MUC4: variants seen among roughly 807,000 people sequenced by gnomAD.
MUC4 encodes the protein mucin-4.
Under a neutral mutation model 257.9 loss-of-function variants are expected in MUC4, and 202 were observed. That is an observed-to-expected ratio of 0.78 (90% CI 0.70 to 0.88). The LOEUF (loss-of-function observed/expected upper bound fraction) is 0.88. MUC4 is among the 40% of genes least tolerant of loss of function. The pLI, the probability that MUC4 is intolerant of heterozygous loss-of-function variation, is 0.00. For missense variants in MUC4, 5,976 were observed against 6,513.7 expected (o/e 0.92, Z 2.84); for synonymous variants, 2,351 against 2,757.1 (o/e 0.85, Z 4.62).
Position 195,780,068 on chromosome 3 carries a change from C to T in MUC4, c.11512G>A (p.Ala3838Thr), listed in dbSNP as rs200448491. 75 of 736,234 alleles carry T rather than the reference C, an allele frequency of 1.0e-4. 5 individuals carry two copies. The Middle Eastern group carries it at 1.4e-3, about 14-fold the overall frequency. 45.6% of individuals were successfully genotyped at this position (736,234 alleles called of 1,614,324 possible). ...TDASSASTGH[A>T]TPLPVTIPSS... is the part of the protein sequence containing the mutation. ...GGGATGGTGACAGGAAGAGGGGTGG[C>T]GTGACCTGTGGATGCTGAGGAAGCG... The change falls in exon 2 of 25, where the codon GCC (alanine) becomes ACC (threonine). Residue 3838 changes from alanine (A) to threonine (T), a missense_variant. Physicochemically the swap from Ala to Thr is moderately conservative, Grantham distance 58. This residue lies in a region of MUC4 where 330 missense variants were observed against 262.0 expected (regional missense o/e 1.26). Transcript: ENST00000463781.
rs1728418351 is a variant in MUC4, at chr3:195,782,102, AG to A, written c.9477del (p.Ser3160GlnfsTer1099). On this transcript the variant is annotated frameshift_variant, in exon 2 of 25. Coordinates refer to ENST00000463781, the MANE Select transcript of MUC4 (RefSeq NM_018406.7). LOFTEE classifies it high-confidence loss of function. ...GGGGTGGCCTGACCTGTGGATGCTGAGGAAGTGTCGGTGACAGGAAGAGGGG... is the reference window on the plus strand; with the variant it reads ...GGGGTGGCCTGACCTGTGGATGCTGAGAAGTGTCGGTGACAGGAAGAGGGG... ...DTTPLPVTDT[S>X]SASTGQATPL... 7.3e-7 allele frequency: 1 copy of A among 1,372,084 alleles called. No individual in the cohort carries two copies. The highest frequency in any genetic ancestry group is 2.2e-5 in the Admixed American group (1 of 44,576). 85.0% of individuals were successfully genotyped at this position (1,372,084 alleles called of 1,614,324 possible).
intron 20 of MUC4, 53 bp downstream of exon 20, chr3:195,752,998 G>A: frequency 2.0e-6 from 3 of 1,491,982 alleles, no homozygotes; most frequent in Non-Finnish European, 2.7e-6. Flanking sequence ...GGGGGTGAGA[G>A]GGTGGGGCCC....
chr3:195,746,902 G>T lies in MUC4; in HGVS notation c.*274C>A, dbSNP rs1295824528. 2.2e-5 allele frequency: 12 copies of T among 540,946 alleles called. No homozygotes were observed. In the South Asian group the frequency reaches 3.0e-4, roughly 14 times the overall value. The allele number at this position is 540,946 out of a possible 1,614,324, so 33.5% of individuals were successfully genotyped here. ...TATGAACTCGTGTGTGTGTGTGTGT[G>T]TGTGCACGCGCGCGTGCACAGGCTA... is the stretch of plus-strand genomic sequence containing the variant. On this transcript the variant is annotated 3_prime_UTR_variant, in exon 25 of 25. Coordinates refer to ENST00000463781, the MANE Select transcript of MUC4 (RefSeq NM_018406.7).
intron 3 of MUC4, among the ~76,000 whole-genome samples, chr3:195,774,757 G>A (rs539386905): frequency 5.9e-4 from 90 of 152,014 alleles, no homozygotes; most frequent in African/African-American, 1.7e-3. Context: ...AAAATTAGCC[G>A]GGTGTGGTGG....
intron 5 of MUC4, chr3:195,770,699 C>A: frequency 2.3e-6 from 1 of 443,226 alleles, no homozygotes; most frequent in Non-Finnish European, 4.3e-6. Flanking sequence ...TAATCTGCAG[C>A]TTCTTGAGAA....
At chr3:195,763,978 A>T (rs749313408) in intron 11 of MUC4, 67 bp downstream of exon 11, 385 of 1,504,760 alleles carry the variant, frequency 2.6e-4, no homozygotes, top group Middle Eastern at 4.7e-4. Context: ...TCCAGATGCC[A>T]CCTCCCGGAA....
intron 24 of MUC4, 36 bp from the exon 25 acceptor site, chr3:195,747,416 C>T (rs756932630): frequency 8.1e-6 from 13 of 1,603,166 alleles, no homozygotes; most frequent in African/African-American, 5.4e-5. Context: ...CGGTCAGAGG[C>T]GGGAGCTCAG....
chr3:195,780,522 AGT>A lies in MUC4; in HGVS notation c.11056_11057del (p.Thr3686PhefsTer103). On this transcript the variant is annotated frameshift_variant, in exon 2 of 25. Transcript: ENST00000463781. LOFTEE classifies it high-confidence loss of function. ...GDTTRLPVTD[T>X]SSASTGQATP... ...TGGCCTGACCTGTGGATGCTGAGGAAGTGTCCGTGACAGGAAGACGGGTGGTG... is the reference window on the plus strand; with the variant it reads ...TGGCCTGACCTGTGGATGCTGAGGAAGTCCGTGACAGGAAGACGGGTGGTG... 1 of 956,744 alleles carries A rather than the reference AGT, an allele frequency of 1.0e-6. No individual in the cohort carries two copies. The highest frequency in any genetic ancestry group is 1.3e-6 in the Non-Finnish European group (1 of 758,320). 59.3% of individuals were successfully genotyped at this position (956,744 alleles called of 1,614,324 possible).
rs62282504 is a variant in MUC4, at chr3:195,788,697, C to G, written c.2883G>C (p.Gly961=). 31 of 1,607,492 alleles carry G rather than the reference C, an allele frequency of 1.9e-5. No homozygotes were observed. Among genetic ancestry groups the G allele is most frequent in the African/African-American group, 1.4e-5 (1 of 70,602 alleles). ...GGGCCGTGGTGAAGGTTTTACCAGA[C>G]CCTGAAGGTGACAGAGTGTGGGTCT... is the stretch of plus-strand genomic sequence containing the variant. ...QTETHTLSPS[G]SGKTFTTALI... is the part of the protein sequence containing the mutation. The change falls in exon 2 of 25, where the codon GGG becomes GGC. Residue 961 remains glycine, a synonymous_variant. Transcript: ENST00000463781.
At chr3:195,796,564 G>A (rs929504452) in intron 1 of MUC4, among the ~76,000 whole-genome samples, 6 of 151,950 alleles carry the variant, frequency 3.9e-5, no homozygotes, top group East Asian at 2.0e-4. Context: ...GGTGGCAGGC[G>A]CCTGTAGTCC....
At chr3:195,806,009 G>A (rs1253264804) in intron 1 of MUC4, among the ~76,000 whole-genome samples, 5 of 33,788 alleles carry the variant, frequency 1.5e-4, no homozygotes, top group African/African-American at 2.5e-4. Flanking sequence ...CCAGCTACTC[G>A]GGGGGCTGAG....
intron 21 of MUC4, chr3:195,751,759 G>A (rs998825512): frequency 9.3e-6 from 2 of 214,572 alleles, no homozygotes; most frequent in Non-Finnish European, 1.9e-5. Flanking sequence ...TTGCAGTAGT[G>A]ATAATAGCAG....
intron 1 of MUC4, among the ~76,000 whole-genome samples, chr3:195,802,664 A>G (rs1735496141): frequency 6.6e-6 from 1 of 152,120 alleles, no homozygotes; most frequent in African/African-American, 2.4e-5. Context: ...GAATCCTCAG[A>G]GGGAGGCCAC....
chr3:195,752,920 A>T, intron 20 of MUC4, 131 bp downstream of exon 20: 1 of 873,712 alleles, frequency 1.1e-6, no homozygotes, highest in Non-Finnish European at 1.7e-6. Context: ...ACACCATCCC[A>T]GAGAAATCTG....
chr3:195,747,859 T>TCAAAAAACAAAAA (rs1428915423), intron 24 of MUC4, among the ~76,000 whole-genome samples: 22 of 151,824 alleles, frequency 1.4e-4, no homozygotes, highest in African/African-American at 4.9e-4. Context: ...AGACTCCGTC[T>TCAAAAAACAAAAA]CAAAAAACAA....
At chr3:195,798,645 A>C (rs1734878722) in intron 1 of MUC4, among the ~76,000 whole-genome samples, 1 of 152,226 alleles carries the variant, frequency 6.6e-6, no homozygotes, top group South Asian at 2.1e-4. Flanking sequence ...CGGAGCTTGC[A>C]GTGAGCCGAG....
intron 24 of MUC4, among the ~76,000 whole-genome samples, chr3:195,747,916 C>A (rs1246966448): frequency 3.9e-5 from 6 of 152,270 alleles, no homozygotes; most frequent in Non-Finnish European, 5.9e-5. Flanking sequence ...GTCAGCTGCA[C>A]CTGGGCGGCA....
rs1728175616 is a variant in MUC4, at chr3:195,781,705, C to T, written c.9875G>A (p.Gly3292Asp). The T allele has an allele frequency of 6.7e-7, 1 of 1,487,152 alleles. No individual in the cohort carries two copies. 92.1% of individuals were successfully genotyped at this position (1,487,152 alleles called of 1,614,324 possible). A position where few individuals can be genotyped will look rare whatever the true frequency, so the allele number is the denominator to read the frequency against. ...PVTDTSSSST[G>D]DTTPLLVTET... Reference sequence around the variant, plus strand: ...GGTGACAAGAAGAGGGGTGGTGTCACCTGTGGATGATGAGGAAGTGTCGGT... The same window carrying T: ...GGTGACAAGAAGAGGGGTGGTGTCATCTGTGGATGATGAGGAAGTGTCGGT... Residue 3292 changes from glycine (G) to aspartate (D), a missense_variant, in exon 2 of 25, where the codon GGT becomes GAT. Gly to Asp is a moderately conservative substitution (Grantham distance 94). Transcript: ENST00000463781.
At position 195,782,016 on chromosome 3, in the gene MUC4, AGTG is replaced by A; in HGVS notation, c.9561_9563del (p.Thr3188del). ...GACCTGTGGATGCTGAGGAAGGGCTAGTGACAGGAAGAGGCGTGGTGTCACCTG... is the reference window on the plus strand; with the variant it reads ...GACCTGTGGATGCTGAGGAAGGGCTAACAGGAAGAGGCGTGGTGTCACCTG... On this transcript the variant is annotated inframe_deletion, in exon 2 of 25. Coordinates refer to ENST00000463781, the MANE Select transcript of MUC4 (RefSeq NM_018406.7). 1 of 1,400,480 alleles carries A rather than the reference AGTG, an allele frequency of 7.1e-7. No individual in the cohort carries two copies. Among genetic ancestry groups the A allele is most frequent in the Non-Finnish European group, 9.3e-7 (1 of 1,071,810 alleles). 86.8% of individuals were successfully genotyped at this position (1,400,480 alleles called of 1,614,324 possible).
Sources: allele counts gnomAD v4.1 joint callset (sites outside exome capture counted in the v4.1 genomes callset), GRCh38; gene constraint gnomAD v4.1.1; regional missense constraint gnomAD v4.1.1; transcripts MANE v1.5; gene names NCBI Gene and HGNC (gene_info 2026-07-23, HGNC 2026-07-21).